EFCAB5: variants seen among roughly 807,000 people sequenced by gnomAD.
The protein encoded by EFCAB5 is EF-hand calcium-binding domain-containing protein 5.
A neutral mutation model predicts 167.9 loss-of-function variants in EFCAB5; 131 were observed. The ratio of observed to expected loss-of-function variants is 0.78; its 90% CI spans 0.68 to 0.90. The LOEUF (loss-of-function observed/expected upper bound fraction) is 0.90, where lower values mean the gene tolerates loss of function less well. EFCAB5 is among the 40% of genes least tolerant of loss of function. EFCAB5 has a pLI of 0.00. For synonymous variants in EFCAB5, 574 were observed against 602.8 expected (o/e 0.95, Z 0.70); for missense variants, 1,663 against 1,745.2 (o/e 0.95, Z 0.84).
At chr17:29,934,389 G>GT (rs2067228223) in intron 1 of EFCAB5, among the ~76,000 whole-genome samples, 1 of 152,140 alleles carries the variant, frequency 6.6e-6, no homozygotes, top group Non-Finnish European at 1.5e-5. Context: ...TTTGTGTCAA[G>GT]TATCTATTGC....
At chr17:29,945,868 C>G (rs895185526) in intron 3 of EFCAB5, among the ~76,000 whole-genome samples, 2 of 152,110 alleles carry the variant, frequency 1.3e-5, no homozygotes, top group Non-Finnish European at 2.9e-5. Flanking sequence ...AATCTAAGAC[C>G]TGAAACCTTA....
chr17:30,031,115 C>G (rs1468062534), intron 7 of EFCAB5, among the ~76,000 whole-genome samples: 1 of 151,964 alleles, frequency 6.6e-6, no homozygotes, highest in Admixed American at 6.6e-5. Flanking sequence ...AGAAAAATAC[C>G]TACTAGTCAA....
At chr17:29,946,414 A>C (rs1208211769) in intron 3 of EFCAB5, among the ~76,000 whole-genome samples, 4 of 150,672 alleles carry the variant, frequency 2.7e-5, no homozygotes, top group African/African-American at 9.7e-5. Context: ...TTTATGGAAA[A>C]GAGTATGGAA....
intron 1 of EFCAB5, among the ~76,000 whole-genome samples, chr17:29,934,577 T>G (rs1567664466): frequency 6.6e-6 from 1 of 152,232 alleles, no homozygotes; most frequent in Admixed American, 6.5e-5. Context: ...CAGGCCTCCC[T>G]GCATTTCCTG....
chr17:30,070,049 T>G (rs1405449286), intron 14 of EFCAB5, among the ~76,000 whole-genome samples: 3 of 152,152 alleles, frequency 2.0e-5, no homozygotes, highest in Non-Finnish European at 4.4e-5. Flanking sequence ...CACTGACCTT[T>G]CCCATCCCAG....
chr17:29,959,899 C>T (rs1353936680), intron 3 of EFCAB5, among the ~76,000 whole-genome samples: 1 of 152,146 alleles, frequency 6.6e-6, no homozygotes, highest in Non-Finnish European at 1.5e-5. Context: ...AGCACCAAGA[C>T]TTGCCCAGGA....
At chr17:30,059,791 T>A (rs2070376317) in intron 14 of EFCAB5, 90 bp downstream of exon 14, 1 of 1,068,928 alleles carries the variant, frequency 9.4e-7, no homozygotes, top group Non-Finnish European at 1.3e-6. Flanking sequence ...ATACTGGTTA[T>A]GCTAAAACCA....
intron 13 of EFCAB5, among the ~76,000 whole-genome samples, chr17:30,058,398 T>C (rs545880341): frequency 1.3e-5 from 2 of 152,198 alleles, no homozygotes; most frequent in Admixed American, 6.5e-5. Context: ...TAAATTACTT[T>C]CACTAAGCTT....
At chr17:29,954,448 G>A (rs1221910805) in intron 3 of EFCAB5, among the ~76,000 whole-genome samples, 1 of 152,240 alleles carries the variant, frequency 6.6e-6, no homozygotes, top group Non-Finnish European at 1.5e-5. Context: ...CATTGCTTCA[G>A]CAGGTGCAAG....
intron 3 of EFCAB5, among the ~76,000 whole-genome samples, chr17:29,948,196 A>G (rs1449350334): frequency 2.0e-5 from 3 of 152,194 alleles, no homozygotes; most frequent in Admixed American, 2.0e-4. Flanking sequence ...AAATTTAATT[A>G]GATGTTCACT....
chr17:29,968,666 C>T, intron 3 of EFCAB5, 125 bp from the exon 4 acceptor site: 2 of 738,620 alleles, frequency 2.7e-6, no homozygotes, highest in Non-Finnish European at 4.1e-6. Flanking sequence ...CTGTTATTTT[C>T]AGCTGACATT....
At chr17:30,077,951 C>A (rs187724083) in intron 14 of EFCAB5, among the ~76,000 whole-genome samples, 2 of 152,112 alleles carry the variant, frequency 1.3e-5, no homozygotes, top group Admixed American at 6.5e-5. Flanking sequence ...GGGAAGGAGT[C>A]AAAGCAAACC....
At chr17:29,980,366 T>C (rs2068149414) in intron 4 of EFCAB5, among the ~76,000 whole-genome samples, 1 of 152,200 alleles carries the variant, frequency 6.6e-6, no homozygotes. Flanking sequence ...TCAAAAGCAG[T>C]TGTCCGTATA....
chr17:29,965,980 A>G (rs1457075324), intron 3 of EFCAB5, among the ~76,000 whole-genome samples: 2 of 152,134 alleles, frequency 1.3e-5, no homozygotes, highest in African/African-American at 2.4e-5. Flanking sequence ...ATTAATTGGT[A>G]GTTCCAAGGA....
chr17:29,959,562 A>G (rs752178286), intron 3 of EFCAB5, among the ~76,000 whole-genome samples: 23 of 151,970 alleles, frequency 1.5e-4, no homozygotes, highest in Non-Finnish European at 2.8e-4. Flanking sequence ...GATGAATCCT[A>G]CTGGGTCCTT....
At chr17:29,997,172 G>A (rs1004901540) in intron 6 of EFCAB5, among the ~76,000 whole-genome samples, 5 of 151,720 alleles carry the variant, frequency 3.3e-5, no homozygotes, top group Non-Finnish European at 5.9e-5. Context: ...TTGAACCCAG[G>A]AGGCGGAGGT....
chr17:29,932,477 C>T (rs1183351022), intron 1 of EFCAB5, among the ~76,000 whole-genome samples: 6 of 69,908 alleles, frequency 8.6e-5, no homozygotes, highest in Admixed American at 6.3e-4. Context: ...TTTTTTGACA[C>T]GGATTTTTGC....
chr17:30,073,035 T>A (rs1288378153), intron 14 of EFCAB5: 1 of 592,670 alleles, frequency 1.7e-6, no homozygotes, highest in Admixed American at 2.8e-5. Context: ...GGCTCCTGTG[T>A]CCTCCCCTCC....
chr17:29,994,295 TAAG>T (rs1204175642), intron 5 of EFCAB5, among the ~76,000 whole-genome samples: 1 of 151,244 alleles, frequency 6.6e-6, no homozygotes, highest in East Asian at 1.9e-4. Flanking sequence ...AAAAATGGAC[TAAG>T]AAGAACTTGG....
Sources: allele counts gnomAD v4.1 joint callset (sites outside exome capture counted in the v4.1 genomes callset), GRCh38; gene constraint gnomAD v4.1.1; transcripts MANE v1.5; gene names NCBI Gene and HGNC (gene_info 2026-07-23, HGNC 2026-07-21).